The following CNTNAP2 variants were observed in gnomAD, a reference collection of about 807,000 sequenced individuals.
The protein encoded by CNTNAP2 is contactin associated protein 2, also known as contactin-associated protein-like 2.
Under a neutral mutation model 155.2 loss-of-function variants are expected in CNTNAP2, and 98 were observed. The observed-to-expected ratio is 0.63, with a 90% CI of 0.54 to 0.75. CNTNAP2 has a LOEUF of 0.75. Ranked by LOEUF, CNTNAP2 falls within the 30% of genes least tolerant of loss-of-function variation. The pLI, the probability that CNTNAP2 is intolerant of heterozygous loss-of-function variation, is 0.00. For synonymous variants in CNTNAP2, 651 were observed against 631.2 expected (o/e 1.03, Z -0.47); for missense variants, 1,727 against 1,688.1 (o/e 1.02, Z -0.40).
intron 9 of CNTNAP2, among the ~76,000 whole-genome samples, chr7:147,362,686 G>C (rs1796164971): frequency 6.6e-6 from 1 of 152,040 alleles, no homozygotes; most frequent in African/African-American, 2.4e-5. Flanking sequence ...GTGTTATGGA[G>C]TGCATATCTG....
intron 21 of CNTNAP2, among the ~76,000 whole-genome samples, chr7:148,270,415 T>C (rs1223183246): frequency 2.6e-5 from 4 of 152,272 alleles, no homozygotes; most frequent in African/African-American, 2.4e-5. Flanking sequence ...GAAATGGTGT[T>C]ATGCAGGTGA....
intron 1 of CNTNAP2, among the ~76,000 whole-genome samples, chr7:146,182,067 C>A (rs1798556884): frequency 1.3e-5 from 2 of 151,810 alleles, no homozygotes; most frequent in Non-Finnish European, 2.9e-5. Flanking sequence ...ACAGAGTCTC[C>A]AGTGCTCACA....
At chr7:147,935,059 A>G (rs1025843093) in intron 14 of CNTNAP2, among the ~76,000 whole-genome samples, 2 of 151,742 alleles carry the variant, frequency 1.3e-5, no homozygotes, top group Non-Finnish European at 2.9e-5. Context: ...CAGTTTAGAA[A>G]TTACATTGAA....
intron 10 of CNTNAP2, among the ~76,000 whole-genome samples, chr7:147,432,721 G>A (rs1797485784): frequency 6.6e-6 from 1 of 152,050 alleles, no homozygotes; most frequent in African/African-American, 2.4e-5. Context: ...CTGTCATCCA[G>A]TGTCACCCAG....
intron 13 of CNTNAP2, among the ~76,000 whole-genome samples, chr7:147,818,110 T>C (rs1290990721): frequency 6.6e-6 from 1 of 152,084 alleles, no homozygotes; most frequent in Non-Finnish European, 1.5e-5. Flanking sequence ...AAAACCATTG[T>C]TTTCTACAAA....
chr7:146,816,376 A>C (rs889737715), intron 2 of CNTNAP2, among the ~76,000 whole-genome samples: 2 of 152,150 alleles, frequency 1.3e-5, no homozygotes, highest in Non-Finnish European at 2.9e-5. Context: ...TTCGGTGGAG[A>C]GAACTTTTCA....
chr7:147,426,290 A>T lies in CNTNAP2; in HGVS notation c.1670+30510A>T, dbSNP rs1201786753. 4.0e-5 allele frequency among the ~76,000 whole-genome samples: 6 copies of T among 151,654 alleles called. No homozygotes were observed. In the South Asian group the frequency reaches 6.2e-4, roughly 16 times the overall value. On this transcript the variant is annotated intron_variant, in intron 10 of 23. Coordinates refer to ENST00000361727, the MANE Select transcript of CNTNAP2 (RefSeq NM_014141.6). ...GTTGCTTTTACCTTACTCAGTTGTGATTTCATTATTAAAACTTCAAGTCAC... is the reference window on the plus strand; with the variant it reads ...GTTGCTTTTACCTTACTCAGTTGTGTTTTCATTATTAAAACTTCAAGTCAC...
chr7:148,108,450 A>T (rs1804271160), intron 15 of CNTNAP2, among the ~76,000 whole-genome samples: 1 of 152,134 alleles, frequency 6.6e-6, no homozygotes, highest in Non-Finnish European at 1.5e-5. Context: ...GAAAGAGATG[A>T]CGAGGACAAA....
chr7:147,744,533 C>G (rs909070522), intron 13 of CNTNAP2, among the ~76,000 whole-genome samples: 1 of 152,182 alleles, frequency 6.6e-6, no homozygotes, highest in Non-Finnish European at 1.5e-5. Context: ...AAGTTTAGTT[C>G]TTGCTCTGAG....
intron 13 of CNTNAP2, among the ~76,000 whole-genome samples, chr7:147,701,906 CACAGTA>C (rs1796240195): frequency 6.6e-6 from 1 of 152,192 alleles, no homozygotes; most frequent in South Asian, 2.1e-4. Flanking sequence ...CTGTTAGAGA[CACAGTA>C]TACCTAAGTT....
intron 15 of CNTNAP2, among the ~76,000 whole-genome samples, chr7:148,061,844 T>C (rs1489206777): frequency 6.6e-6 from 1 of 150,566 alleles, no homozygotes; most frequent in Non-Finnish European, 1.5e-5. Flanking sequence ...CCTAGATAGT[T>C]AGATAAATAG....
intron 1 of CNTNAP2, among the ~76,000 whole-genome samples, chr7:146,489,060 C>A (rs985331563): frequency 6.6e-6 from 1 of 152,196 alleles, no homozygotes; most frequent in Non-Finnish European, 1.5e-5. Flanking sequence ...TATTTGAAAT[C>A]GCTAAAGTTA....
chr7:146,524,723 T>C (rs1323494410), intron 1 of CNTNAP2, among the ~76,000 whole-genome samples: 1 of 152,152 alleles, frequency 6.6e-6, no homozygotes, highest in African/African-American at 2.4e-5. Flanking sequence ...TAGGACTCTT[T>C]AGGAGATATA....
chr7:147,417,262 G>A (rs1019342674), intron 10 of CNTNAP2, among the ~76,000 whole-genome samples: 3 of 152,140 alleles, frequency 2.0e-5, no homozygotes, highest in African/African-American at 4.8e-5. Context: ...GCTCATAAAC[G>A]ATAGAAATTT....
At chr7:147,701,951 A>G (rs556683944) in intron 13 of CNTNAP2, among the ~76,000 whole-genome samples, 1 of 152,100 alleles carries the variant, frequency 6.6e-6, no homozygotes, top group South Asian at 2.1e-4. Flanking sequence ...AACTGCCTGC[A>G]TGAATATAAG....
intron 13 of CNTNAP2, among the ~76,000 whole-genome samples, chr7:147,816,276 G>A (rs1191156705): frequency 6.6e-6 from 1 of 152,162 alleles, no homozygotes; most frequent in Non-Finnish European, 1.5e-5. Context: ...CTGAGCTGGA[G>A]GGCTTGAGAG....
intron 3 of CNTNAP2, among the ~76,000 whole-genome samples, chr7:146,840,568 G>A (rs146219103): frequency 2.0e-5 from 3 of 152,054 alleles, no homozygotes; most frequent in African/African-American, 4.8e-5. Context: ...ATCAAGTGCT[G>A]TCATCAATAT....
In CNTNAP2 at chr7:147,772,053, C is replaced by A. The variant is rs1413301283; in HGVS notation, c.2099-131512C>A. Among the ~76,000 whole-genome samples the A allele has an allele frequency of 2.6e-5, 4 of 152,076 alleles. No homozygotes were observed. In the East Asian group the frequency reaches 7.7e-4, roughly 29 times the overall value. On this transcript the variant is annotated intron_variant, in intron 13 of 23. Transcript: ENST00000361727. ...GACTTCTTGAATAAAACTTACAAGC[C>A]ATAAAATTATATTTTAGATAAGTTC...
At chr7:146,181,451 A>C (rs2116836469) in intron 1 of CNTNAP2, among the ~76,000 whole-genome samples, 1 of 152,336 alleles carries the variant, frequency 6.6e-6, no homozygotes, top group East Asian at 1.9e-4. Context: ...CACAAGGCTT[A>C]GCATATAGTA....
Sources: gnomAD v4.1 joint callset for allele counts (sites outside exome capture counted in the v4.1 genomes callset) on GRCh38, gnomAD v4.1.1 for gene constraint, MANE v1.5 for transcripts, NCBI Gene and HGNC (gene_info 2026-07-23, HGNC 2026-07-21) for gene names.